Variants in VAV2 observed in about 807,000 individuals in gnomAD.
The protein encoded by VAV2 is vav guanine nucleotide exchange factor 2.
A neutral mutation model predicts 132.5 loss-of-function variants in VAV2; 67 were observed. The ratio of observed to expected loss-of-function variants is 0.51; its 90% CI spans 0.42 to 0.62. VAV2 has a LOEUF of 0.62. Among genes scored for constraint, VAV2 ranks in the 20% least tolerant of loss-of-function variants. VAV2 has a pLI of 0.00. For synonymous variants in VAV2, 492 were observed against 443.5 expected (o/e 1.11, Z -1.37); for missense variants, 938 against 1,153.6 (o/e 0.81, Z 2.71).
intron 2 of VAV2, among the ~76,000 whole-genome samples, chr9:133,899,278 C>T (rs999398313): frequency 6.7e-6 from 1 of 150,364 alleles, no homozygotes; most frequent in Non-Finnish European, 1.5e-5. Context: ...CTCCTCAGGC[C>T]GGGTGCAGTG....
intron 3 of VAV2, among the ~76,000 whole-genome samples, chr9:133,846,556 C>T (rs936448215): frequency 6.6e-6 from 1 of 151,636 alleles, no homozygotes; most frequent in African/African-American, 2.4e-5. Flanking sequence ...CAGCCCTGTC[C>T]CTGGCTGCCC....
intron 13 of VAV2, among the ~76,000 whole-genome samples, chr9:133,791,059 G>A (rs1376317948): frequency 1.3e-5 from 2 of 152,166 alleles, no homozygotes; most frequent in African/African-American, 4.8e-5. Context: ...ACAGGGGCAG[G>A]TCCCACAACC....
At chr9:133,929,722 C>G (rs757381011) in intron 2 of VAV2, among the ~76,000 whole-genome samples, 3 of 152,098 alleles carry the variant, frequency 2.0e-5, no homozygotes, top group Non-Finnish European at 4.4e-5. Context: ...AGCAGGTGCA[C>G]AGCCGACTCC....
At chr9:133,811,968 T>C (rs1238340885) in intron 5 of VAV2, 146 bp downstream of exon 5, 1 of 753,606 alleles carries the variant, frequency 1.3e-6, no homozygotes, top group Non-Finnish European at 2.2e-6. Context: ...GACCAAGGGG[T>C]GCACCTCTGG....
chr9:133,987,649 A>T (rs538663231), intron 1 of VAV2, among the ~76,000 whole-genome samples: 1 of 152,246 alleles, frequency 6.6e-6, no homozygotes, highest in Non-Finnish European at 1.5e-5. Flanking sequence ...TACGAGGAGG[A>T]GGCCACCAGG....
At chr9:133,817,609 GAAAAAAT>G (rs56756969) in intron 4 of VAV2, among the ~76,000 whole-genome samples, 3,506 of 152,050 alleles carry the variant, frequency 0.023, 52 homozygotes, top group East Asian at 0.055. Context: ...ACTCTGTCTC[GAAAAAAT>G]AAAAAATAAA....
At chr9:133,949,570 C>A (rs547273532) in intron 1 of VAV2, among the ~76,000 whole-genome samples, 2 of 152,168 alleles carry the variant, frequency 1.3e-5, no homozygotes, top group Admixed American at 1.3e-4. Flanking sequence ...CCTGCCCCCT[C>A]GAATGGCGGG....
chr9:133,948,966 G>A (rs911249883), intron 1 of VAV2, among the ~76,000 whole-genome samples: 8 of 152,180 alleles, frequency 5.3e-5, no homozygotes, highest in South Asian at 2.1e-4. Flanking sequence ...CCTAATCTGC[G>A]GACAACCTGG....
At chr9:133,881,770 T>A (rs143553138) in intron 2 of VAV2, among the ~76,000 whole-genome samples, 148 of 152,342 alleles carry the variant, frequency 9.7e-4, no homozygotes, top group African/African-American at 2.9e-3. Context: ...TTATTTAATG[T>A]CCTATCAAAA....
intron 1 of VAV2, among the ~76,000 whole-genome samples, chr9:133,977,220 A>G (rs987608746): frequency 3.0e-4 from 45 of 152,342 alleles, no homozygotes; most frequent in African/African-American, 9.9e-4. Flanking sequence ...CCGGCATCCA[A>G]TGGGTGCCTG....
In VAV2 at chr9:133,770,515, ACACT is replaced by A. The variant is rs1833585362; in HGVS notation, c.2224-18_2224-15del. On this transcript the variant is annotated splice_polypyrimidine_tract_variant and intron_variant, in intron 26 of 29. Coordinates refer to ENST00000371850, the MANE Select transcript of VAV2 (RefSeq NM_001134398.2). ...CTCCACCAACTCCTGCAGGGCGTAC[ACACT>A]CACTGACAGCTGCTGCCACCTCCAG... is the stretch of plus-strand genomic sequence containing the variant. The A allele has an allele frequency of 1.2e-6, 2 of 1,612,068 alleles. No homozygotes were observed. The highest frequency in any genetic ancestry group is 1.7e-6 in the Non-Finnish European group (2 of 1,178,476).
intron 10 of VAV2, among the ~76,000 whole-genome samples, 171 bp from the exon 11 acceptor site, chr9:133,796,695 A>G (rs1220487178): frequency 6.6e-6 from 1 of 151,796 alleles, no homozygotes; most frequent in Admixed American, 6.6e-5. Context: ...GTGTGTGCAG[A>G]GGGGGGGGCT....
In VAV2 at chr9:133,857,904, C is replaced by T. The variant is rs1203488471; in HGVS notation, c.380+3470G>A. Among the ~76,000 whole-genome samples the T allele has an allele frequency of 1.3e-5, 2 of 152,216 alleles. No individual in the cohort carries two copies. Among genetic ancestry groups the T allele is most frequent in the African/African-American group, 4.8e-5 (2 of 41,450 alleles). On this transcript the variant is annotated intron_variant, in intron 3 of 29. Transcript: ENST00000371850. This position sits in a 1 kb window ranked among gnomAD's most constrained non-coding sequence, Gnocchi z 4.0. ...GGAGGAGAAGGGCAGGAAAGCCAGG[C>T]CCCGGGGAGGAGGGCCTGCAGAGGT...
chr9:133,877,082 G>C (rs1273471259), intron 2 of VAV2, among the ~76,000 whole-genome samples: 1 of 152,178 alleles, frequency 6.6e-6, no homozygotes, highest in Non-Finnish European at 1.5e-5. Context: ...GAGGCTGAGA[G>C]GCACGTGGTT....
chr9:133,964,022 CATATAT>C (rs10541639), intron 1 of VAV2, among the ~76,000 whole-genome samples: 23 of 93,854 alleles, frequency 2.5e-4, no homozygotes, highest in African/African-American at 4.8e-4. Context: ...ATTATTCATT[CATATAT>C]ATATATATAT....
At chr9:133,859,442 T>C (rs1267842516) in intron 3 of VAV2, among the ~76,000 whole-genome samples, 3 of 152,108 alleles carry the variant, frequency 2.0e-5, no homozygotes, top group Non-Finnish European at 4.4e-5. Flanking sequence ...GCCGGGCCAA[T>C]TGCCTCCCCA....
intron 2 of VAV2, among the ~76,000 whole-genome samples, chr9:133,862,881 T>A (rs754805780): frequency 1.3e-5 from 2 of 152,042 alleles, no homozygotes; most frequent in Non-Finnish European, 1.5e-5. Context: ...GGAAAGAAAA[T>A]GAACCATAGA....
intron 4 of VAV2, among the ~76,000 whole-genome samples, chr9:133,832,279 C>T (rs1356844339): frequency 6.6e-6 from 1 of 152,222 alleles, no homozygotes. Context: ...GTGGGAGACA[C>T]CTTGGCCTGG....
chr9:133,789,323 A>G lies in VAV2; in HGVS notation c.1209T>C (p.Phe403=), dbSNP rs1396281797. 4 of 1,613,946 alleles carry G rather than the reference A, an allele frequency of 2.5e-6. No homozygotes were observed. The highest frequency in any genetic ancestry group is 3.4e-6 in the Non-Finnish European group (4 of 1,180,036). Reference sequence around the variant, plus strand: ...GTTCCCCGTCAATCTTTGGTCTTCCAAATTCCTCCAGTTTCACTTGCTGGG... The same window carrying G: ...GTTCCCCGTCAATCTTTGGTCTTCCGAATTCCTCCAGTTTCACTTGCTGGG... ...IENLQVKLEE[F]GRPKIDGELK... is the part of the protein sequence containing the mutation. The change falls in exon 14 of 30, where the codon TTT becomes TTC. Residue 403 remains phenylalanine, a synonymous_variant. Transcript: ENST00000371850.
Sources: allele counts gnomAD v4.1 joint callset (sites outside exome capture counted in the v4.1 genomes callset), GRCh38; gene constraint gnomAD v4.1.1; non-coding constraint Gnocchi (gnomAD v3.1); transcripts MANE v1.5; gene names NCBI Gene and HGNC (gene_info 2026-07-23, HGNC 2026-07-21).